The following MAP3K2 variants were observed in gnomAD, a reference collection of about 807,000 sequenced individuals.
MAP3K2 encodes MAP/ERK kinase kinase 2.
MAP3K2 carries 24 observed loss-of-function variants against 80.3 expected under a neutral mutation model. The observed-to-expected ratio is 0.30, with a 90% CI of 0.22 to 0.42. The LOEUF (loss-of-function observed/expected upper bound fraction) is 0.42, where lower values mean the gene tolerates loss of function less well. Ranked by LOEUF, MAP3K2 falls within the 10% of genes least tolerant of loss-of-function variation. The pLI, the probability that MAP3K2 is intolerant of heterozygous loss-of-function variation, is 1.00. For missense variants in MAP3K2, 608 were observed against 750.1 expected (o/e 0.81, Z 2.21); for synonymous variants, 244 against 253.7 (o/e 0.96, Z 0.36).
At chr2:127,317,831 C>T in intron 13 of MAP3K2, 71 bp from the exon 14 acceptor site, 2 of 1,374,650 alleles carry the variant, frequency 1.5e-6, no homozygotes, top group Middle Eastern at 2.2e-4. Context: ...CTTCATGGAC[C>T]ATCAAGGTGA....
At chr2:127,326,438 G>A (rs1233664036) in intron 8 of MAP3K2, among the ~76,000 whole-genome samples, 1 of 151,888 alleles carries the variant, frequency 6.6e-6, no homozygotes, top group Non-Finnish European at 1.5e-5. Flanking sequence ...CAAAGCAAAT[G>A]CATTATCATT....
Position 127,304,290 on chromosome 2 carries a change from T to C in MAP3K2, c.*3289A>G, listed in dbSNP as rs1190072224. On this transcript the variant is annotated 3_prime_UTR_variant, in exon 17 of 17. Transcript: ENST00000682094. The stretch of plus-strand genomic sequence containing the variant: ...AATTTTCAGTCTGTATACTTTCAAA[T>C]ACATTTTAAATAATTAACAACCCAT... 1 of 152,182 alleles carries C rather than the reference T, an allele frequency of 6.6e-6. No individual in the cohort carries two copies. Among genetic ancestry groups the C allele is most frequent in the Non-Finnish European group, 1.5e-5 (1 of 68,018 alleles). The allele number at this position is 152,182 out of a possible 1,614,324, so 9.4% of individuals were successfully genotyped here.
intron 2 of MAP3K2, among the ~76,000 whole-genome samples, chr2:127,342,333 G>C (rs925747275): frequency 4.6e-5 from 7 of 151,728 alleles, no homozygotes; most frequent in African/African-American, 1.7e-4. Context: ...GACACACAGT[G>C]AAAGTGTCCT....
rs567570705 is a variant in MAP3K2, at chr2:127,305,729, A to G, written c.*1850T>C. On this transcript the variant is annotated 3_prime_UTR_variant, in exon 17 of 17. Transcript: ENST00000682094. ...TAAAGTACTTAGCACTTGCTTTAAC[A>G]TGCTGAAAAAAACTGCAAGTGGCCA... The G allele has an allele frequency of 2.6e-5, 4 of 152,234 alleles. No homozygotes were observed. The South Asian group carries it at 8.3e-4, about 32-fold the overall frequency. The allele number at this position is 152,234 out of a possible 1,614,324, so 9.4% of individuals were successfully genotyped here. A position where few individuals can be genotyped will look rare whatever the true frequency, so the allele number is the denominator to read the frequency against.
chr2:127,329,436 A>G (rs1465902454), intron 7 of MAP3K2, among the ~76,000 whole-genome samples: 2 of 150,146 alleles, frequency 1.3e-5, no homozygotes, highest in African/African-American at 4.9e-5. Flanking sequence ...GGCTCACTGC[A>G]ACCTCCGCCT....
At chr2:127,326,298 TA>T (rs1450354021) in intron 8 of MAP3K2, among the ~76,000 whole-genome samples, 368 of 151,394 alleles carry the variant, frequency 2.4e-3, no homozygotes, top group East Asian at 4.9e-3. Flanking sequence ...GAAAACATTT[TA>T]ATACTATAAA....
chr2:127,385,450 T>C (rs1188721676), intron 1 of MAP3K2, among the ~76,000 whole-genome samples: 3 of 152,356 alleles, frequency 2.0e-5, no homozygotes, highest in Non-Finnish European at 4.4e-5. Flanking sequence ...TAGACTACAG[T>C]ATATTGTAAA....
Position 127,305,107 on chromosome 2 carries a change from C to G in MAP3K2, c.*2472G>C, listed in dbSNP as rs1685670991. 1 of 152,264 alleles carries G rather than the reference C, an allele frequency of 6.6e-6. No individual in the cohort carries two copies. The highest frequency in any genetic ancestry group is 1.5e-5 in the Non-Finnish European group (1 of 67,944). 9.4% of individuals were successfully genotyped at this position (152,264 alleles called of 1,614,324 possible). A position where few individuals can be genotyped will look rare whatever the true frequency, so the allele number is the denominator to read the frequency against. ...AAAAAAAACAGTTTTGCTCTGGGTTCTACAGTCTCACCAGATTTCTCTCTA... is the reference window on the plus strand; with the variant it reads ...AAAAAAAACAGTTTTGCTCTGGGTTGTACAGTCTCACCAGATTTCTCTCTA... On this transcript the variant is annotated 3_prime_UTR_variant, in exon 17 of 17. Coordinates refer to ENST00000682094, the MANE Select transcript of MAP3K2 (RefSeq NM_001371910.2).
At chr2:127,319,649 A>C (rs1401471193) in intron 12 of MAP3K2, among the ~76,000 whole-genome samples, 3 of 92,450 alleles carry the variant, frequency 3.2e-5, no homozygotes, top group East Asian at 9.7e-4. Flanking sequence ...TACTAAAAAT[A>C]CAAAAAAAAA....
At chr2:127,309,981 A>G (rs1394430043) in intron 15 of MAP3K2, among the ~76,000 whole-genome samples, 1 of 152,218 alleles carries the variant, frequency 6.6e-6, no homozygotes, top group African/African-American at 2.4e-5. Context: ...GTTATGCTCC[A>G]GGCTGAGTAG....
chr2:127,384,668 CTTT>C (rs759223038), intron 1 of MAP3K2, among the ~76,000 whole-genome samples: 1 of 144,834 alleles, frequency 6.9e-6, no homozygotes. Context: ...ACAAAGTGGC[CTTT>C]TTTTTTTTTT....
intron 2 of MAP3K2, among the ~76,000 whole-genome samples, chr2:127,342,388 G>GGGGTGGGTGTGT (rs143219830): frequency 4.1e-5 from 6 of 147,744 alleles, no homozygotes; most frequent in African/African-American, 1.5e-4. Flanking sequence ...TCTTCATGAG[G>GGGGTGGGTGTGT]GTGTGTGTGT....
In MAP3K2 at chr2:127,335,950, G is replaced by C. The variant is rs1166509000; in HGVS notation, c.184C>G (p.Pro62Ala). ...GEKRILQFPR[P>A]VKLEDLRSKA... Reference sequence around the variant, plus strand: ...GATCTCAGATCTTCCAGTTTAACTGGTCTGGGGAACTGAAGGATTCTATAT... The same window carrying C: ...GATCTCAGATCTTCCAGTTTAACTGCTCTGGGGAACTGAAGGATTCTATAT... Residue 62 changes from proline to alanine, a missense_variant, in exon 5 of 17, where the codon CCA (proline) becomes GCA (alanine). Coordinates refer to ENST00000682094, the MANE Select transcript of MAP3K2 (RefSeq NM_001371910.2). 6.4e-7 allele frequency: 1 copy of C among 1,563,860 alleles called. No homozygotes were observed. The highest frequency in any genetic ancestry group is 8.7e-7 in the Non-Finnish European group (1 of 1,150,090).
At position 127,364,574 on chromosome 2, in the gene MAP3K2, T is replaced by C. The variant is rs1368709393; in HGVS notation, c.-65-21380A>G. 6.6e-6 allele frequency among the ~76,000 whole-genome samples: 1 copy of C among 152,216 alleles called. No individual in the cohort carries two copies. The highest frequency in any genetic ancestry group is 2.4e-5 in the African/African-American group (1 of 41,454). On this transcript the variant is annotated intron_variant, in intron 1 of 16. Coordinates refer to ENST00000682094, the MANE Select transcript of MAP3K2 (RefSeq NM_001371910.2). This position sits in a 1 kb window ranked among gnomAD's most constrained non-coding sequence, Gnocchi z 4.1. Reference sequence around the variant, plus strand: ...CCACCTAACCCTGGCTACACTGGAATGACAGCACTTGCCATCTCTCCACTC... The same window carrying C: ...CCACCTAACCCTGGCTACACTGGAACGACAGCACTTGCCATCTCTCCACTC...
chr2:127,318,803 C>G (rs1685956772), intron 12 of MAP3K2, among the ~76,000 whole-genome samples: 2 of 152,302 alleles, frequency 1.3e-5, no homozygotes, highest in South Asian at 4.1e-4. Flanking sequence ...GGGCAACCAA[C>G]TAACCTGAAA....
At chr2:127,366,584 T>A (rs931201991) in intron 1 of MAP3K2, among the ~76,000 whole-genome samples, 1 of 152,156 alleles carries the variant, frequency 6.6e-6, no homozygotes, top group African/African-American at 2.4e-5. Context: ...CACTTTTTTA[T>A]ATAATCATTT....
chr2:127,351,813 T>G (rs1686696052), intron 1 of MAP3K2, among the ~76,000 whole-genome samples: 1 of 152,110 alleles, frequency 6.6e-6, no homozygotes, highest in African/African-American at 2.4e-5. Context: ...TTTGAATAAA[T>G]TCCAAAGTCC....
At chr2:127,342,737 T>A (rs1177979923) in intron 2 of MAP3K2, among the ~76,000 whole-genome samples, 1 of 152,218 alleles carries the variant, frequency 6.6e-6, no homozygotes, top group Non-Finnish European at 1.5e-5. Flanking sequence ...TACTTTAGTG[T>A]CTTTAAACTA....
intron 15 of MAP3K2, among the ~76,000 whole-genome samples, chr2:127,313,447 C>G (rs1328024496): frequency 1.3e-5 from 2 of 152,164 alleles, no homozygotes; most frequent in Admixed American, 1.3e-4. Flanking sequence ...GGTGATCTGG[C>G]TTAGGCATTC....
Sources: allele counts gnomAD v4.1 joint callset (sites outside exome capture counted in the v4.1 genomes callset), GRCh38; gene constraint gnomAD v4.1.1; non-coding constraint Gnocchi (gnomAD v3.1); transcripts MANE v1.5; gene names NCBI Gene and HGNC (gene_info 2026-07-23, HGNC 2026-07-21).